Variants in SDK2 observed in about 807,000 individuals in gnomAD.
SDK2 encodes protein sidekick-2.
In SDK2, 105 loss-of-function variants were observed where a neutral mutation model predicts 253.9. That is an observed-to-expected ratio of 0.41 (90% CI 0.35 to 0.49). The LOEUF is 0.49. Among genes scored for constraint, SDK2 ranks in the 20% least tolerant of loss-of-function variants. The pLI is 0.06. For missense variants in SDK2, 2,608 were observed against 3,003.0 expected (o/e 0.87, Z 3.07); for synonymous variants, 1,249 against 1,234.9 (o/e 1.01, Z -0.24).
chr17:73,469,312 A>G (rs1256379213), intron 3 of SDK2, among the ~76,000 whole-genome samples: 2 of 152,176 alleles, frequency 1.3e-5, no homozygotes, highest in Non-Finnish European at 2.9e-5. Flanking sequence ...CACTGCCAGC[A>G]TCACCCAGGG....
intron 44 of SDK2, among the ~76,000 whole-genome samples, chr17:73,346,469 G>C (rs1266551244): frequency 6.6e-6 from 1 of 151,876 alleles, no homozygotes; most frequent in Non-Finnish European, 1.5e-5. Flanking sequence ...GTCCAGCCAG[G>C]CTGCAGTGTT....
intron 5 of SDK2, among the ~76,000 whole-genome samples, chr17:73,444,858 G>A (rs2063441470): frequency 6.6e-6 from 1 of 152,192 alleles, no homozygotes. Flanking sequence ...CTGCCCAGGA[G>A]CCAGGGTATC....
chr17:73,549,888 G>A (rs886825529), intron 1 of SDK2, among the ~76,000 whole-genome samples: 5 of 152,172 alleles, frequency 3.3e-5, no homozygotes, highest in Admixed American at 1.3e-4. Context: ...GCAACGTAGT[G>A]GGGAACGCCA....
chr17:73,504,978 A>G (rs530080134), intron 2 of SDK2, among the ~76,000 whole-genome samples: 1 of 152,248 alleles, frequency 6.6e-6, no homozygotes, highest in African/African-American at 2.4e-5. Flanking sequence ...ATTCAGGCAC[A>G]CCGTTGCCCC....
chr17:73,432,826 G>T (rs539287126), intron 10 of SDK2, among the ~76,000 whole-genome samples: 1 of 149,624 alleles, frequency 6.7e-6, no homozygotes, highest in Admixed American at 6.6e-5. Context: ...GTGTATGTAC[G>T]TGTGCATGTA....
chr17:73,416,833 C>T (rs1233587198), intron 16 of SDK2, among the ~76,000 whole-genome samples: 1 of 151,920 alleles, frequency 6.6e-6, no homozygotes, highest in Admixed American at 6.6e-5. Context: ...TCGTGATCCA[C>T]CTGCCTCAGC....
chr17:73,425,922 A>G (rs1234664397), intron 12 of SDK2, among the ~76,000 whole-genome samples: 1 of 152,238 alleles, frequency 6.6e-6, no homozygotes, highest in Non-Finnish European at 1.5e-5. Context: ...AATATAAAAT[A>G]GAGAAGTGCC....
rs376565918 is a variant in SDK2, at chr17:73,527,573, G to A, written c.65-19976C>T. Among the ~76,000 whole-genome samples the A allele has an allele frequency of 1.5e-4, 23 of 152,266 alleles. No individual in the cohort carries two copies. The East Asian group carries it at 3.7e-3, about 24-fold the overall frequency. On this transcript the variant is annotated intron_variant, in intron 1 of 44. Coordinates refer to ENST00000392650, the MANE Select transcript of SDK2 (RefSeq NM_001144952.2). ...GAGAAGAATGCACAGGGCCTGCACTGGCCTCATTAGTGAGCCACATCCAGG... is the reference window on the plus strand; with the variant it reads ...GAGAAGAATGCACAGGGCCTGCACTAGCCTCATTAGTGAGCCACATCCAGG...
chr17:73,405,723 CT>C (rs537794783), intron 18 of SDK2, among the ~76,000 whole-genome samples: 9,188 of 139,608 alleles, frequency 0.066, 386 homozygotes, highest in East Asian at 0.15. Flanking sequence ...TCTTATATAT[CT>C]TTTTTTTTTT....
intron 1 of SDK2, among the ~76,000 whole-genome samples, chr17:73,530,013 A>G (rs1214137506): frequency 6.6e-6 from 1 of 152,170 alleles, no homozygotes; most frequent in South Asian, 2.1e-4. Context: ...CTCTATGGAC[A>G]TGGGCAAGGT....
intron 1 of SDK2, among the ~76,000 whole-genome samples, chr17:73,581,907 C>G (rs142871157): frequency 6.6e-6 from 1 of 152,334 alleles, no homozygotes; most frequent in Non-Finnish European, 1.5e-5. Flanking sequence ...ACAGCCCACA[C>G]TATCCCTCAG....
At chr17:73,412,284 G>A (rs946017731) in intron 18 of SDK2, among the ~76,000 whole-genome samples, 23 of 146,148 alleles carry the variant, frequency 1.6e-4, no homozygotes, top group South Asian at 8.5e-4. Flanking sequence ...GTGTGTGTGT[G>A]TATATATATA....
At chr17:73,590,916 T>G (rs1401239060) in intron 1 of SDK2, among the ~76,000 whole-genome samples, 1 of 152,198 alleles carries the variant, frequency 6.6e-6, no homozygotes, top group East Asian at 1.9e-4. Context: ...TTTATTTGTT[T>G]ATGTTTATTT....
intron 1 of SDK2, among the ~76,000 whole-genome samples, chr17:73,597,760 C>T (rs1414875083): frequency 6.6e-6 from 1 of 152,034 alleles, no homozygotes; most frequent in Non-Finnish European, 1.5e-5. Flanking sequence ...ATTCTCCTGC[C>T]TCAGCCTCCC....
intron 1 of SDK2, among the ~76,000 whole-genome samples, chr17:73,563,917 G>A (rs939021216): frequency 2.0e-5 from 3 of 151,836 alleles, no homozygotes; most frequent in Non-Finnish European, 2.9e-5. Flanking sequence ...GTGCCACCAC[G>A]CTCAGCTAAT....
chr17:73,641,603 AC>A (rs1408000563), intron 1 of SDK2, among the ~76,000 whole-genome samples: 1 of 151,992 alleles, frequency 6.6e-6, no homozygotes, highest in African/African-American at 2.4e-5. Flanking sequence ...CCCAAAAAAA[AC>A]CAACCAGGCT....
chr17:73,533,161 T>C (rs1299759902), intron 1 of SDK2, among the ~76,000 whole-genome samples: 1 of 151,920 alleles, frequency 6.6e-6, no homozygotes, highest in African/African-American at 2.4e-5. Flanking sequence ...CCCAGAGAGG[T>C]CCCCTCATCG....
At chr17:73,423,323 C>T in intron 14 of SDK2, 63 bp downstream of exon 14, 10 of 1,317,600 alleles carry the variant, frequency 7.6e-6, no homozygotes, top group Non-Finnish European at 8.8e-6. Context: ...GACCCCAGCC[C>T]AGGGCTGACT....
At position 73,395,335 on chromosome 17, in the gene SDK2, A is replaced by G; in HGVS notation, c.3412T>C (p.Tyr1138His). The G allele has an allele frequency of 6.2e-7, 1 of 1,613,910 alleles. No individual in the cohort carries two copies. The highest frequency in any genetic ancestry group is 8.5e-7 in the Non-Finnish European group (1 of 1,179,860). Reference protein sequence around the residue: ...NPESVGYKIKYSRSDGHGKTL... With the variant: ...NPESVGYKIKHSRSDGHGKTL... ...TTGCCATGCCCGTCTGACCGGCTGT[A>G]CTTGATCTTATAGCCCACGGACTCA... Residue 1138 changes from tyrosine (Y) to histidine (H), a missense_variant, in exon 25 of 45, where the codon TAC becomes CAC. Transcript: ENST00000392650. This position sits in a 1 kb window ranked among gnomAD's most constrained non-coding sequence, Gnocchi z 4.3.
Sources: gnomAD v4.1 joint callset for allele counts (sites outside exome capture counted in the v4.1 genomes callset) on GRCh38, gnomAD v4.1.1 for gene constraint, Gnocchi (gnomAD v3.1) non-coding constraint, MANE v1.5 for transcripts, NCBI Gene and HGNC (gene_info 2026-07-23, HGNC 2026-07-21) for gene names.